SLC1A2: variants seen among roughly 807,000 people sequenced by gnomAD.
SLC1A2 encodes solute carrier family 1 member 2, also known as excitatory amino acid transporter 2.
Under a neutral mutation model 48.8 loss-of-function variants are expected in SLC1A2, and 15 were observed. The ratio of observed to expected loss-of-function variants is 0.31; its 90% CI spans 0.21 to 0.47. SLC1A2 has a LOEUF of 0.47. Among genes scored for constraint, SLC1A2 ranks in the 20% least tolerant of loss-of-function variants. SLC1A2 has a pLI of 0.99. For missense variants in SLC1A2, 502 were observed against 730.5 expected (o/e 0.69, Z 3.61); for synonymous variants, 279 against 272.6 (o/e 1.02, Z -0.23).
intron 1 of SLC1A2, among the ~76,000 whole-genome samples, chr11:35,391,947 T>C (rs1854782588): frequency 6.6e-6 from 1 of 152,144 alleles, no homozygotes; most frequent in Non-Finnish European, 1.5e-5. Flanking sequence ...TTGAATCTCT[T>C]GATTTAGGCT....
intron 4 of SLC1A2, among the ~76,000 whole-genome samples, chr11:35,308,521 G>T (rs1454041286): frequency 6.6e-6 from 1 of 152,140 alleles, no homozygotes; most frequent in East Asian, 1.9e-4. Flanking sequence ...AGACTGGGAA[G>T]TACACAATGA....
rs371351716 is a variant in SLC1A2 at position 35,315,139 on chromosome 11, C to T, written c.194G>A (p.Arg65His). Reference sequence around the variant, plus strand: ...ATCAGGGTGGATGGGAGATGCCAAGCGAAGAAGCCCTCCACACACTGCTCC... The same window carrying T: ...ATCAGGGTGGATGGGAGATGCCAAGTGAAGAAGCCCTCCACACACTGCTCC... ...ILGAVCGGLL[R>H]LASPIHPDVV... is the part of the protein sequence containing the mutation. Residue 65 changes from arginine (R) to histidine (H), a missense_variant, in exon 3 of 11, where the codon CGC becomes CAC. Arg to His is a conservative substitution (Grantham distance 29, BLOSUM62 0). Coordinates refer to ENST00000278379, the MANE Select transcript of SLC1A2 (RefSeq NM_004171.4). The T allele has an allele frequency of 3.7e-6, 6 of 1,613,260 alleles. No homozygotes were observed. The highest frequency in any genetic ancestry group is 4.5e-5 in the East Asian group (2 of 44,866).
At chr11:35,280,820 G>A in intron 9 of SLC1A2, 47 bp downstream of exon 9, 1 of 1,395,434 alleles carries the variant, frequency 7.2e-7, no homozygotes. Context: ...GCATCCCTAG[G>A]AGGCAGTACT....
intron 4 of SLC1A2, among the ~76,000 whole-genome samples, chr11:35,309,936 G>A (rs749972093): frequency 6.6e-6 from 1 of 152,148 alleles, no homozygotes; most frequent in Non-Finnish European, 1.5e-5. Flanking sequence ...ATGAATTTTG[G>A]CAATAGAAAG....
At chr11:35,311,924 C>CGGGGGG (rs1173512245) in intron 4 of SLC1A2, among the ~76,000 whole-genome samples, 1 of 1,998 alleles carries the variant, frequency 5.0e-4, no homozygotes, top group African/African-American at 1.5e-3. Flanking sequence ...GAGAGAGAGG[C>CGGGGGG]GGGGGGGGGG....
Position 35,259,766 on chromosome 11 carries a change from G to A in SLC1A2, c.*1128C>T, listed in dbSNP as rs187870323. The A allele has an allele frequency of 2.0e-5, 3 of 152,294 alleles. No homozygotes were observed. The East Asian group carries it at 5.8e-4, about 29-fold the overall frequency. The allele number at this position is 152,294 out of a possible 1,614,324, so 9.4% of individuals were successfully genotyped here. A position where few individuals can be genotyped will look rare whatever the true frequency, so the allele number is the denominator to read the frequency against. ...TGCTTCCAACTGTGTCCTATAACTG[G>A]TTTTATGTGCTTTGATAGAAGATAA... On this transcript the variant is annotated 3_prime_UTR_variant, in exon 11 of 11. Coordinates refer to ENST00000278379, the MANE Select transcript of SLC1A2 (RefSeq NM_004171.4).
chr11:35,329,118 G>A (rs1852343694), intron 1 of SLC1A2, among the ~76,000 whole-genome samples: 1 of 152,174 alleles, frequency 6.6e-6, no homozygotes, highest in South Asian at 2.1e-4. Context: ...AAAAATAAAT[G>A]CATATTACTA....
At chr11:35,353,598 C>T (rs1296807138) in intron 1 of SLC1A2, among the ~76,000 whole-genome samples, 1 of 152,138 alleles carries the variant, frequency 6.6e-6, no homozygotes, top group Non-Finnish European at 1.5e-5. Flanking sequence ...TAATAGAGAG[C>T]TCGAAGACAA....
intron 2 of SLC1A2, chr11:35,316,634 C>T (rs1851889857): frequency 6.6e-6 from 1 of 152,248 alleles, no homozygotes; most frequent in Admixed American, 6.5e-5. Context: ...ACAAGTTGTT[C>T]ACTGCTTCTC....
At chr11:35,384,651 C>A (rs139949834) in intron 1 of SLC1A2, among the ~76,000 whole-genome samples, 1,939 of 152,312 alleles carry the variant, frequency 0.013, 17 homozygotes, top group Non-Finnish European at 0.015. Context: ...TCCACTGTGG[C>A]ATATTCACCA....
chr11:35,420,270 G>C (rs1855752229), upstream of SLC1A2, among the ~76,000 whole-genome samples: 1 of 151,692 alleles, frequency 6.6e-6, no homozygotes, highest in Non-Finnish European at 1.5e-5. Flanking sequence ...GCCTGCTTCC[G>C]TGTCCCGGGG....
chr11:35,283,467 T>G (rs1277224127), intron 8 of SLC1A2, among the ~76,000 whole-genome samples: 1 of 152,120 alleles, frequency 6.6e-6, no homozygotes, highest in Non-Finnish European at 1.5e-5. Flanking sequence ...GGCCAGAGAT[T>G]TAAATGCATA....
chr11:35,409,738 A>C (rs1855403558), intron 1 of SLC1A2, among the ~76,000 whole-genome samples: 1 of 151,956 alleles, frequency 6.6e-6, no homozygotes, highest in African/African-American at 2.4e-5. Context: ...GTGAAATCCT[A>C]TCTCTACTAA....
intron 1 of SLC1A2, among the ~76,000 whole-genome samples, chr11:35,345,851 C>T (rs755413263): frequency 4.6e-4 from 70 of 152,190 alleles, no homozygotes; most frequent in South Asian, 1.0e-3. Context: ...ATAGCCAATG[C>T]TTGTACCAAT....
At chr11:35,401,636 C>A (rs530837334) in intron 1 of SLC1A2, among the ~76,000 whole-genome samples, 1 of 152,208 alleles carries the variant, frequency 6.6e-6, no homozygotes, top group African/African-American at 2.4e-5. Flanking sequence ...TTGGTTTACA[C>A]GTCCTAGCTG....
At chr11:35,353,861 T>C (rs777698762) in intron 1 of SLC1A2, among the ~76,000 whole-genome samples, 1 of 152,178 alleles carries the variant, frequency 6.6e-6, no homozygotes. Context: ...GGCCAAAGCC[T>C]CCCTTGAAAG....
At chr11:35,401,524 A>G (rs1855139679) in intron 1 of SLC1A2, among the ~76,000 whole-genome samples, 1 of 152,136 alleles carries the variant, frequency 6.6e-6, no homozygotes, top group Admixed American at 6.5e-5. Flanking sequence ...TCAACCACCC[A>G]TCCTCATCAT....
At chr11:35,267,188 C>T (rs527927599) in intron 9 of SLC1A2, among the ~76,000 whole-genome samples, 7 of 152,244 alleles carry the variant, frequency 4.6e-5, no homozygotes, top group East Asian at 1.9e-4. Flanking sequence ...AGCCCCAGTA[C>T]GTGGGTTTAG....
At chr11:35,379,952 A>G (rs970632877) in intron 1 of SLC1A2, among the ~76,000 whole-genome samples, 3 of 152,198 alleles carry the variant, frequency 2.0e-5, no homozygotes, top group East Asian at 3.8e-4. Flanking sequence ...ACTCCATTTA[A>G]CCACCGACTG....
Sources: allele counts gnomAD v4.1 joint callset (sites outside exome capture counted in the v4.1 genomes callset), GRCh38; gene constraint gnomAD v4.1.1; transcripts MANE v1.5; gene names NCBI Gene and HGNC (gene_info 2026-07-23, HGNC 2026-07-21).